The following ITGBL1 variants were observed in gnomAD, a reference collection of about 807,000 sequenced individuals.
ITGBL1 encodes integrin beta-like protein 1.
Under a neutral mutation model 68.5 loss-of-function variants are expected in ITGBL1, and 51 were observed. The observed-to-expected ratio is 0.74, with a 90% CI of 0.59 to 0.94. ITGBL1 has a LOEUF of 0.94. Ranked by LOEUF, ITGBL1 falls within the 40% of genes least tolerant of loss-of-function variation. The pLI is 0.00. For synonymous variants in ITGBL1, 209 were observed against 227.3 expected (o/e 0.92, Z 0.72); for missense variants, 649 against 647.4 (o/e 1.00, Z -0.03).
chr13:101,664,402 C>T (rs1174497634), intron 7 of ITGBL1, among the ~76,000 whole-genome samples: 1 of 152,016 alleles, frequency 6.6e-6, no homozygotes, highest in Non-Finnish European at 1.5e-5. Context: ...TTACAGGTAT[C>T]CTGAGAGATC....
intron 2 of ITGBL1, among the ~76,000 whole-genome samples, chr13:101,554,676 C>G (rs1023475755): frequency 6.6e-6 from 1 of 152,170 alleles, no homozygotes; most frequent in Admixed American, 6.5e-5. Flanking sequence ...AGAAAATTTG[C>G]AACTCTCCAG....
chr13:101,624,655 G>A (rs2031708697), intron 7 of ITGBL1, among the ~76,000 whole-genome samples: 2 of 152,150 alleles, frequency 1.3e-5, no homozygotes. Context: ...GTCACCATTT[G>A]GAGAATCAGG....
At chr13:101,586,919 A>G (rs1280973410) in intron 6 of ITGBL1, among the ~76,000 whole-genome samples, 1 of 152,202 alleles carries the variant, frequency 6.6e-6, no homozygotes, top group Non-Finnish European at 1.5e-5. Context: ...AGTGCCATAT[A>G]GTTGATTATT....
intron 2 of ITGBL1, among the ~76,000 whole-genome samples, chr13:101,454,359 A>AT (rs1421825402): frequency 1.3e-4 from 20 of 149,064 alleles, no homozygotes; most frequent in Admixed American, 4.1e-4. Context: ...TGTAATTATG[A>AT]TTTTTTAAAG....
At chr13:101,588,693 T>TA (rs3063720) in intron 6 of ITGBL1, among the ~76,000 whole-genome samples, 26,843 of 147,590 alleles carry the variant, frequency 0.18, 2,813 homozygotes, top group Non-Finnish European at 0.23. Flanking sequence ...ATTTGTCTAT[T>TA]AAAAAAAAAA....
chr13:101,590,149 A>T (rs1044480750), intron 6 of ITGBL1, among the ~76,000 whole-genome samples: 2 of 152,232 alleles, frequency 1.3e-5, no homozygotes, highest in African/African-American at 4.8e-5. Context: ...TTCCACAGCT[A>T]ATCTGGCTTT....
chr13:101,595,011 T>C (rs2029881794), intron 6 of ITGBL1, among the ~76,000 whole-genome samples: 1 of 152,184 alleles, frequency 6.6e-6, no homozygotes, highest in African/African-American at 2.4e-5. Context: ...GAGTTGGAGA[T>C]TGCAGTGAAC....
chr13:101,510,978 G>C (rs571674534), intron 2 of ITGBL1, among the ~76,000 whole-genome samples: 1 of 151,984 alleles, frequency 6.6e-6, no homozygotes, highest in Non-Finnish European at 1.5e-5. Flanking sequence ...TTCTTTTGCT[G>C]TGCAGAAGAA....
rs1566784508 is a variant in ITGBL1 at position 101,671,441 on chromosome 13, TTTTTTG to T, written c.1016-21138_1016-21133del. Among the ~76,000 whole-genome samples the T allele has an allele frequency of 8.1e-4, 74 of 91,814 alleles. 9 individuals are homozygous for T. The East Asian group carries it at 8.2e-3, about 10-fold the overall frequency. 60.2% of individuals were successfully genotyped at this position (91,814 alleles called of 152,430 possible). A position where few individuals can be genotyped will look rare whatever the true frequency, so the allele number is the denominator to read the frequency against. ...GTATACCTTTGTTTTTTTTTTGTTT[TTTTTTG>T]TTTTTTTTTGAGACGGAGTCTCGCT... On this transcript the variant is annotated intron_variant, in intron 7 of 10. Transcript: ENST00000376180.
At chr13:101,504,772 C>G (rs1362421218) in intron 2 of ITGBL1, among the ~76,000 whole-genome samples, 3 of 152,168 alleles carry the variant, frequency 2.0e-5, no homozygotes, top group Non-Finnish European at 2.9e-5. Flanking sequence ...TGACTCACTG[C>G]TATGACTTGC....
intron 2 of ITGBL1, among the ~76,000 whole-genome samples, chr13:101,511,440 G>A (rs559022060): frequency 1.3e-5 from 2 of 152,254 alleles, no homozygotes; most frequent in African/African-American, 4.8e-5. Flanking sequence ...GTGATAGAAT[G>A]TCACTCCAGT....
At chr13:101,653,162 A>C (rs547379718) in intron 7 of ITGBL1, among the ~76,000 whole-genome samples, 49 of 150,920 alleles carry the variant, frequency 3.2e-4, no homozygotes, top group Non-Finnish European at 6.1e-4. Context: ...GGAGGAGGAG[A>C]AACAAAGAAG....
At chr13:101,695,259 C>T (rs1218870264) in intron 8 of ITGBL1, among the ~76,000 whole-genome samples, 1 of 152,162 alleles carries the variant, frequency 6.6e-6, no homozygotes, top group Non-Finnish European at 1.5e-5. Flanking sequence ...ATACATGGAA[C>T]TTGGCCAAGT....
At chr13:101,657,793 C>T (rs1230898254) in intron 7 of ITGBL1, among the ~76,000 whole-genome samples, 6 of 152,106 alleles carry the variant, frequency 3.9e-5, no homozygotes, top group Admixed American at 3.9e-4. Flanking sequence ...ATTGTCTCTA[C>T]AAATAATAAA....
intron 7 of ITGBL1, among the ~76,000 whole-genome samples, chr13:101,669,100 A>G (rs2033294729): frequency 6.6e-6 from 1 of 151,402 alleles, no homozygotes; most frequent in Admixed American, 6.6e-5. Context: ...AGGAAGTAAG[A>G]TACCTTTTTC....
At chr13:101,534,373 G>A (rs923099855) in intron 2 of ITGBL1, among the ~76,000 whole-genome samples, 4 of 152,130 alleles carry the variant, frequency 2.6e-5, no homozygotes, top group Non-Finnish European at 5.9e-5. Context: ...GAAGAAATAG[G>A]TAGGAATGGT....
Position 101,542,987 on chromosome 13 carries a change from C to T in ITGBL1, c.317-24712C>T, listed in dbSNP as rs545513295. ...AGATGGGTTTCCTGAATACAGCACACTGATGGGTCTTGACTCTTTATCCAA... is the reference window on the plus strand; with the variant it reads ...AGATGGGTTTCCTGAATACAGCACATTGATGGGTCTTGACTCTTTATCCAA... On this transcript the variant is annotated intron_variant, in intron 2 of 10. Transcript: ENST00000376180. Among the ~76,000 whole-genome samples, 30 of 152,260 alleles carry T rather than the reference C, an allele frequency of 2.0e-4. No individual in the cohort carries two copies. In the South Asian group the frequency reaches 5.2e-3, roughly 26 times the overall value.
intron 2 of ITGBL1, among the ~76,000 whole-genome samples, chr13:101,543,915 A>C (rs2049763683): frequency 6.6e-6 from 1 of 152,268 alleles, no homozygotes; most frequent in Middle Eastern, 3.4e-3. Context: ...GGGTCCTTTA[A>C]GGACTTCTCT....
intron 7 of ITGBL1, among the ~76,000 whole-genome samples, chr13:101,646,374 A>G (rs917122233): frequency 1.3e-5 from 2 of 152,238 alleles, no homozygotes; most frequent in Admixed American, 6.5e-5. Context: ...ATTGCAAATT[A>G]CATAAACGAA....
Sources: gnomAD v4.1 joint callset for allele counts (sites outside exome capture counted in the v4.1 genomes callset) on GRCh38, gnomAD v4.1.1 for gene constraint, MANE v1.5 for transcripts, NCBI Gene and HGNC (gene_info 2026-07-23, HGNC 2026-07-21) for gene names.